The following SLC39A11 variants were observed in gnomAD, a reference collection of about 807,000 sequenced individuals.
The protein encoded by SLC39A11 is solute carrier family 39 member 11, also known as zinc transporter ZIP11.
A neutral mutation model predicts 36.1 loss-of-function variants in SLC39A11; 33 were observed. The ratio of observed to expected loss-of-function variants is 0.91; its 90% CI spans 0.69 to 1.22. SLC39A11 has a LOEUF of 1.22. SLC39A11 is among the 50% of genes most tolerant of loss of function. The probability of loss-of-function intolerance (pLI) is 0.00; values close to 1 mark genes in which losing one functional copy is unlikely to be tolerated. For missense variants in SLC39A11, 432 were observed against 430.3 expected, an observed-to-expected ratio of 1.00 and a Z score of -0.03; for synonymous variants, 166 against 170.3, an observed-to-expected ratio of 0.97 and a Z score of 0.20.
At chr17:72,905,598 A>G (rs1276057812) in intron 5 of SLC39A11, among the ~76,000 whole-genome samples, 1 of 133,174 alleles carries the variant, frequency 7.5e-6, no homozygotes, top group Non-Finnish European at 1.6e-5. Flanking sequence ...CTCTGTCTCT[A>G]AAAAAAAAAA....
chr17:72,764,645 G>A (rs967954293), intron 6 of SLC39A11, among the ~76,000 whole-genome samples: 2 of 152,144 alleles, frequency 1.3e-5, no homozygotes, highest in African/African-American at 4.8e-5. Flanking sequence ...GGTGAGGGCT[G>A]GGGCAGACTG....
intron 7 of SLC39A11, among the ~76,000 whole-genome samples, chr17:72,712,156 T>C (rs1199049346): frequency 6.6e-6 from 1 of 152,218 alleles, no homozygotes; most frequent in Admixed American, 6.5e-5. Flanking sequence ...AGGGAGCAGA[T>C]GGGCTGAGCC....
chr17:72,840,208 A>C (rs1208326097), intron 6 of SLC39A11, among the ~76,000 whole-genome samples: 1 of 152,218 alleles, frequency 6.6e-6, no homozygotes, highest in Non-Finnish European at 1.5e-5. Context: ...GACAGGCCAC[A>C]TGACCAAAAC....
intron 6 of SLC39A11, among the ~76,000 whole-genome samples, chr17:72,834,023 A>T (rs2078403113): frequency 6.6e-6 from 1 of 152,218 alleles, no homozygotes; most frequent in African/African-American, 2.4e-5. Flanking sequence ...GCTCTCTTAC[A>T]CTGTCTTCCA....
At chr17:72,892,959 T>C (rs1303519496) in intron 5 of SLC39A11, among the ~76,000 whole-genome samples, 1 of 152,176 alleles carries the variant, frequency 6.6e-6, no homozygotes, top group African/African-American at 2.4e-5. Flanking sequence ...GAGGCAATTA[T>C]GTTAAATCAA....
chr17:73,016,177 G>T (rs761627745), intron 4 of SLC39A11, among the ~76,000 whole-genome samples: 17 of 152,084 alleles, frequency 1.1e-4, no homozygotes, highest in Non-Finnish European at 2.4e-4. Context: ...GTTTTAGAAT[G>T]AACACTGTTG....
chr17:72,761,089 T>A (rs1040138440), intron 6 of SLC39A11, among the ~76,000 whole-genome samples: 2 of 152,144 alleles, frequency 1.3e-5, no homozygotes, highest in African/African-American at 4.8e-5. Flanking sequence ...AGCATGTTCA[T>A]CAAATTCCAC....
chr17:72,939,587 C>T (rs150363850), intron 5 of SLC39A11, among the ~76,000 whole-genome samples: 210 of 152,088 alleles, frequency 1.4e-3, no homozygotes, highest in Non-Finnish European at 2.2e-3. Context: ...ACAAAGGATA[C>T]GGAGTTTTGG....
chr17:72,714,754 C>T (rs1186673919), intron 7 of SLC39A11, among the ~76,000 whole-genome samples: 1 of 152,214 alleles, frequency 6.6e-6, no homozygotes, highest in Admixed American at 6.5e-5. Flanking sequence ...TGTCCCCAAA[C>T]CTGTCAGGAA....
intron 6 of SLC39A11, among the ~76,000 whole-genome samples, chr17:72,781,184 C>G (rs1377409877): frequency 6.6e-6 from 1 of 152,134 alleles, no homozygotes; most frequent in Non-Finnish European, 1.5e-5. Context: ...CATGAGAAAA[C>G]CTGGGAAACT....
At position 73,030,342 on chromosome 17, in the gene SLC39A11, T is replaced by C. The variant is rs144483409; in HGVS notation, c.306+1214A>G. 7.9e-4 allele frequency among the ~76,000 whole-genome samples: 121 copies of C among 152,354 alleles called. No homozygotes were observed. The East Asian group carries it at 0.023, about 28-fold the overall frequency. On this transcript the variant is annotated intron_variant, in intron 4 of 9. Transcript: ENST00000255559. ...TGTCTGATCCAAAGGACAGTTCTTC[T>C]GTAACACAAGGAATCTGTTTTACAT...
chr17:72,981,977 A>C (rs1463200723), intron 4 of SLC39A11, among the ~76,000 whole-genome samples: 1 of 152,134 alleles, frequency 6.6e-6, no homozygotes, highest in Non-Finnish European at 1.5e-5. Context: ...GAGCAGTGGC[A>C]CACATCTGTA....
At chr17:72,762,263 A>T (rs917027163) in intron 6 of SLC39A11, among the ~76,000 whole-genome samples, 2 of 152,260 alleles carry the variant, frequency 1.3e-5, no homozygotes, top group African/African-American at 4.8e-5. Flanking sequence ...GCAGTAAAGA[A>T]GGCAGCCAAA....
chr17:72,926,166 T>C (rs9911437), intron 5 of SLC39A11, among the ~76,000 whole-genome samples: 19,403 of 152,244 alleles, frequency 0.13, 2,434 homozygotes, highest in African/African-American at 0.33. Context: ...TCCATCATCT[T>C]TGTGAGCCAT....
At chr17:72,868,249 T>C (rs990784650) in intron 5 of SLC39A11, among the ~76,000 whole-genome samples, 4 of 151,886 alleles carry the variant, frequency 2.6e-5, no homozygotes, top group South Asian at 2.1e-4. Context: ...AGAGAATAAA[T>C]AGAAAAATGA....
At chr17:72,955,674 CCTA>C (rs1242700972) in intron 4 of SLC39A11, among the ~76,000 whole-genome samples, 2 of 151,832 alleles carry the variant, frequency 1.3e-5, no homozygotes, top group Admixed American at 6.6e-5. Flanking sequence ...GTCTCGCGGC[CCTA>C]CTGTCAGGGC....
At chr17:72,971,317 TACACAC>T (rs533324650) in intron 4 of SLC39A11, among the ~76,000 whole-genome samples, 3 of 144,542 alleles carry the variant, frequency 2.1e-5, no homozygotes, top group Non-Finnish European at 4.6e-5. Flanking sequence ...CACACACACA[TACACAC>T]ACACACACAC....
intron 5 of SLC39A11, among the ~76,000 whole-genome samples, chr17:72,851,064 A>T (rs556438583): frequency 6.6e-6 from 1 of 152,028 alleles, no homozygotes. Flanking sequence ...TCAGATATAC[A>T]TCAACAAGCA....
In SLC39A11 at chr17:73,021,144, G is replaced by A. The variant is rs150324518; in HGVS notation, c.306+10412C>T. Reference sequence around the variant, plus strand: ...CTCCAACTTTGGTTCCTGAGCCTGGGGACCTGCATCAACACTACCAGCACC... The same window carrying A: ...CTCCAACTTTGGTTCCTGAGCCTGGAGACCTGCATCAACACTACCAGCACC... On this transcript the variant is annotated intron_variant, in intron 4 of 9. Coordinates refer to ENST00000255559, the MANE Select transcript of SLC39A11 (RefSeq NM_139177.4). Among the ~76,000 whole-genome samples the A allele has an allele frequency of 1.1e-4, 17 of 152,104 alleles. No homozygotes were observed. The East Asian group carries it at 3.3e-3, about 29-fold the overall frequency.
Sources: gnomAD v4.1 joint callset for allele counts (sites outside exome capture counted in the v4.1 genomes callset) on GRCh38, gnomAD v4.1.1 for gene constraint, MANE v1.5 for transcripts, NCBI Gene and HGNC (gene_info 2026-07-23, HGNC 2026-07-21) for gene names.